Variants in UVSSA observed in about 807,000 individuals in gnomAD.
The protein encoded by UVSSA is UV stimulated scaffold protein A.
Under a neutral mutation model 73.9 loss-of-function variants are expected in UVSSA, and 72 were observed. That is an observed-to-expected ratio of 0.97 (90% CI 0.81 to 1.19). The LOEUF (loss-of-function observed/expected upper bound fraction) is 1.19, where lower values mean the gene tolerates loss of function less well. Among genes scored for constraint, UVSSA ranks in the 50% most tolerant of loss-of-function variants. The pLI, the probability that UVSSA is intolerant of heterozygous loss-of-function variation, is 0.00. For synonymous variants in UVSSA, 454 were observed against 391.3 expected (o/e 1.16, Z -1.89); for missense variants, 1,150 against 965.0 (o/e 1.19, Z -2.54).
rs760468968 is a variant in UVSSA at position 1,375,468 on chromosome 4, C to T, written c.1393C>T (p.Arg465Trp). Reference protein sequence around the residue: ...SDPTSAAAQLRQLRDHLPPPS... With the variant: ...SDPTSAAAQLWQLRDHLPPPS... ...CCCCACCTCTGCGGCTGCTCAGCTG[C>T]GGCAGCTCCGGGACCACTTGCCTCC... Residue 465 changes from arginine (R) to tryptophan (W), a missense_variant, in exon 9 of 14, where the codon CGG becomes TGG. Coordinates refer to ENST00000389851, the MANE Select transcript of UVSSA (RefSeq NM_020894.4). 20 of 1,612,262 alleles carry T rather than the reference C, an allele frequency of 1.2e-5. No homozygotes were observed. The highest frequency in any genetic ancestry group is 1.2e-4 in the Admixed American group (7 of 60,006).
Position 1,375,361 on chromosome 4 carries a change from C to T in UVSSA, c.1289-3C>T, listed in dbSNP as rs1718633151. ...GCAGGGAGTGGACACGTGTCTGTTT[C>T]AGGGCTGGAGGCAGCACCAGAGAAA... On this transcript the variant is annotated splice_region_variant and splice_polypyrimidine_tract_variant and intron_variant, in intron 8 of 13. Coordinates refer to ENST00000389851, the MANE Select transcript of UVSSA (RefSeq NM_020894.4). The T allele has an allele frequency of 6.2e-7, 1 of 1,613,154 alleles. No homozygotes were observed.
intron 8 of UVSSA, among the ~76,000 whole-genome samples, chr4:1,369,875 A>AGCT (rs1717810058): frequency 6.6e-6 from 1 of 152,254 alleles, no homozygotes; most frequent in Admixed American, 6.5e-5. Flanking sequence ...ACTGGACTCG[A>AGCT]GTGAGACGCC....
intron 7 of UVSSA, chr4:1,356,721 CCTAGTGGGCTG>C (rs1715825806): frequency 1.3e-5 from 2 of 152,332 alleles, no homozygotes; most frequent in Admixed American, 6.5e-5. Flanking sequence ...GTCACTGTTG[CCTAGTGGGCTG>C]CGTGGGGGCT....
At chr4:1,395,699 C>G (rs753884610) in exon 14 of UVSSA, 1 of 1,614,180 alleles carries the variant, frequency 6.2e-7, no homozygotes, top group Non-Finnish European at 8.5e-7. Flanking sequence ...TGCCCGCCTG[C>G]TCACACAAAG....
chr4:1,348,299 C>G, intron 2 of UVSSA, 110 bp downstream of exon 2: 1 of 814,234 alleles, frequency 1.2e-6, no homozygotes, highest in South Asian at 1.5e-5. Context: ...GAGGGACACA[C>G]CCAGGACATT....
Position 1,354,860 on chromosome 4 carries a change from C to A in UVSSA, c.1047+13C>A. On this transcript the variant is annotated intron_variant, in intron 6 of 13. Coordinates refer to ENST00000389851, the MANE Select transcript of UVSSA (RefSeq NM_020894.4). ...CTCGTGGATCCAGGTGAGCCTCGAA[C>A]CTGGGACCTGTGGGTGGAGGGACGT... 1 of 1,592,180 alleles carries A rather than the reference C, an allele frequency of 6.3e-7. No homozygotes were observed. Among genetic ancestry groups the A allele is most frequent in the Non-Finnish European group, 8.5e-7 (1 of 1,170,000 alleles).
intron 3 of UVSSA, among the ~76,000 whole-genome samples, chr4:1,350,766 T>TA (rs34918099): frequency 0.34 from 47,428 of 139,238 alleles, 8,775 homozygotes; most frequent in African/African-American, 0.51. Context: ...CGTTGTCTCT[T>TA]AAAAAAAAAA....
upstream of UVSSA, among the ~76,000 whole-genome samples, chr4:1,343,648 G>A (rs1311419873): frequency 2.0e-5 from 3 of 152,114 alleles, no homozygotes; most frequent in South Asian, 2.1e-4. Flanking sequence ...TTAGCCAGGC[G>A]TGGTGGCACG....
chr4:1,344,966 G>A (rs1222308723), upstream of UVSSA, among the ~76,000 whole-genome samples: 2 of 152,202 alleles, frequency 1.3e-5, no homozygotes, highest in Admixed American at 6.5e-5. Context: ...GAGCAGGCTG[G>A]AGAAGTCAAC....
At chr4:1,395,360 T>C (rs79888804) in exon 14 of UVSSA, 13,207 of 1,293,870 alleles carry the variant, frequency 0.01, 616 homozygotes, top group Non-Finnish European at 0.011. Flanking sequence ...CCTGCTCACA[T>C]GTGCCGATGT....
chr4:1,378,225 C>T (rs553852467), intron 10 of UVSSA, among the ~76,000 whole-genome samples: 1 of 152,258 alleles, frequency 6.6e-6, no homozygotes, highest in South Asian at 2.1e-4. Context: ...CCACAGGCAA[C>T]CACTAGAACA....
intron 10 of UVSSA, 28 bp from the exon 11 acceptor site, chr4:1,380,019 C>A: frequency 1.3e-6 from 2 of 1,572,966 alleles, no homozygotes; most frequent in Middle Eastern, 1.7e-4. Context: ...CCTGCAGATG[C>A]TATGAGGGCC....
chr4:1,368,164 C>T (rs1056085130), intron 8 of UVSSA, among the ~76,000 whole-genome samples: 2 of 152,230 alleles, frequency 1.3e-5, no homozygotes, highest in South Asian at 4.1e-4. Context: ...CTCCCGGACC[C>T]CTCCTGGGCA....
intron 5 of UVSSA, among the ~76,000 whole-genome samples, chr4:1,354,321 A>G (rs957887983): frequency 1.4e-5 from 2 of 142,764 alleles, no homozygotes; most frequent in African/African-American, 2.7e-5. Context: ...TGGGGTGTCC[A>G]GCGGAGGAGA....
intron 7 of UVSSA, among the ~76,000 whole-genome samples, chr4:1,357,446 C>T (rs1332772590): frequency 2.6e-5 from 4 of 152,258 alleles, no homozygotes; most frequent in Admixed American, 6.5e-5. Context: ...AGCTCTACAG[C>T]ATCTGGGATG....
chr4:1,361,032 G>A (rs1447239825), intron 7 of UVSSA, among the ~76,000 whole-genome samples: 2 of 152,218 alleles, frequency 1.3e-5, no homozygotes, highest in African/African-American at 2.4e-5. Flanking sequence ...CCATCCATCT[G>A]GAGAGCAACA....
intron 8 of UVSSA, among the ~76,000 whole-genome samples, chr4:1,367,162 C>T (rs546133530): frequency 6.6e-5 from 10 of 152,288 alleles, no homozygotes; most frequent in African/African-American, 9.6e-5. Context: ...CGGGAGGTGC[C>T]GAACCCTGCC....
At chr4:1,376,802 C>A (rs1718829168) in intron 10 of UVSSA, among the ~76,000 whole-genome samples, 1 of 152,200 alleles carries the variant, frequency 6.6e-6, no homozygotes, top group African/African-American at 2.4e-5. Flanking sequence ...AGGGCCCCTG[C>A]CGCCGCCTCA....
At position 1,382,158 on chromosome 4, in the gene UVSSA, A is replaced by G. The variant is rs941166962; in HGVS notation, c.1861+1170A>G. Among the ~76,000 whole-genome samples, 3 of 152,348 alleles carry G rather than the reference A, an allele frequency of 2.0e-5. No individual in the cohort carries two copies. In the East Asian group the frequency reaches 5.8e-4, roughly 29 times the overall value. On this transcript the variant is annotated intron_variant, in intron 12 of 13. Transcript: ENST00000389851. The stretch of plus-strand genomic sequence containing the variant: ...GCCTGATGCCCAGAGGCAGCAGCTC[A>G]GCCCTGGGCGGCGGGAGGGCCCTGA...
Sources: allele counts gnomAD v4.1 joint callset (sites outside exome capture counted in the v4.1 genomes callset), GRCh38; gene constraint gnomAD v4.1.1; transcripts MANE v1.5; gene names NCBI Gene and HGNC (gene_info 2026-07-23, HGNC 2026-07-21).